Variants in EPM2A observed in about 807,000 individuals in gnomAD.
EPM2A encodes the protein laforin.
In EPM2A, 21 loss-of-function variants were observed where a neutral mutation model predicts 26.5. That is an observed-to-expected ratio of 0.79 (90% CI 0.56 to 1.14). EPM2A has a LOEUF of 1.14. EPM2A is among the 50% of genes most tolerant of loss of function. EPM2A has a pLI of 0.00. For synonymous variants in EPM2A, 217 were observed against 177.6 expected (o/e 1.22, Z -1.76); for missense variants, 458 against 440.8 (o/e 1.04, Z -0.35).
chr6:145,492,002 C>T, intron 4 of EPM2A: 1 of 412,658 alleles, frequency 2.4e-6, no homozygotes, highest in Non-Finnish European at 4.7e-6. Context: ...GTAAACCAGT[C>T]CCGATCTTGC....
chr6:145,501,922 A>AT (rs1779895863), intron 3 of EPM2A: 1 of 467,876 alleles, frequency 2.1e-6, no homozygotes, highest in Non-Finnish European at 4.4e-6. Context: ...ACAGATGTGA[A>AT]GGCTTAGACT....
intron 2 of EPM2A, among the ~76,000 whole-genome samples, chr6:145,530,263 T>A (rs1780335902): frequency 6.6e-6 from 1 of 152,186 alleles, no homozygotes; most frequent in Admixed American, 6.5e-5. Context: ...TCTGGGCTAT[T>A]CCCTCTAGAT....
chr6:145,630,804 C>T (rs922286476), intron 3 of EPM2A: 4 of 152,184 alleles, frequency 2.6e-5, no homozygotes, highest in African/African-American at 9.7e-5. Context: ...TGCACTAGCC[C>T]ATTTACAACC....
intron 1 of EPM2A, among the ~76,000 whole-genome samples, chr6:145,710,382 AC>A (rs1482118022): frequency 6.6e-6 from 1 of 152,236 alleles, no homozygotes; most frequent in Non-Finnish European, 1.5e-5. Context: ...GCTCACCATC[AC>A]TGGCCATCAG....
chr6:145,710,335 G>A (rs563546035), intron 1 of EPM2A, among the ~76,000 whole-genome samples: 3 of 152,148 alleles, frequency 2.0e-5, no homozygotes, highest in Middle Eastern at 3.2e-3. Context: ...CTTCTCAAAC[G>A]AAGACATTTA....
chr6:145,526,482 A>T (rs1055101035), intron 2 of EPM2A, among the ~76,000 whole-genome samples: 6 of 151,810 alleles, frequency 4.0e-5, no homozygotes, highest in Non-Finnish European at 7.4e-5. Context: ...CTTAATATTA[A>T]TCTGTTCAAG....
chr6:145,549,876 C>T (rs1780630682), intron 2 of EPM2A, among the ~76,000 whole-genome samples: 1 of 152,094 alleles, frequency 6.6e-6, no homozygotes, highest in Non-Finnish European at 1.5e-5. Context: ...GCTGCTTCCT[C>T]ATGTACCACA....
intron 2 of EPM2A, among the ~76,000 whole-genome samples, chr6:145,514,625 T>C (rs1393636329): frequency 6.6e-6 from 1 of 152,202 alleles, no homozygotes; most frequent in African/African-American, 2.4e-5. Flanking sequence ...TAGAGCAGTG[T>C]TTCTCAACTG....
rs75618919 is a variant in EPM2A at position 145,645,233 on chromosome 6, C to T, written c.477-9747G>A. 4.9e-3 allele frequency among the ~76,000 whole-genome samples: 752 copies of T among 152,280 alleles called. 6 individuals are homozygous for T. Among genetic ancestry groups the T allele is most frequent in the African/African-American group, 0.015 (617 of 41,564 alleles). On this transcript the variant is annotated intron_variant, in intron 2 of 3. Transcript: ENST00000367519. ...TTAAATTTTTATCAACTAAAATTGT[C>T]TCTTCCACATTTCATAGCCCAGGAC...
intron 1 of EPM2A, among the ~76,000 whole-genome samples, chr6:145,734,266 A>AT (rs1473697501): frequency 6.6e-6 from 1 of 152,242 alleles, no homozygotes; most frequent in Non-Finnish European, 1.5e-5. Context: ...TGTAAAATAC[A>AT]TATCTACGTG....
chr6:145,404,563 A>G (rs1389501698), intron 4 of EPM2A, among the ~76,000 whole-genome samples: 1 of 152,036 alleles, frequency 6.6e-6, no homozygotes, highest in Non-Finnish European at 1.5e-5. Flanking sequence ...ATCCTGAAGT[A>G]TTGTCCTGAT....
At chr6:145,566,290 C>T (rs891050244) in intron 2 of EPM2A, among the ~76,000 whole-genome samples, 2 of 152,200 alleles carry the variant, frequency 1.3e-5, no homozygotes, top group East Asian at 3.8e-4. Flanking sequence ...TAAGCCTCTT[C>T]TATCATTAAT....
At chr6:145,496,338 C>T (rs1203046349) in intron 4 of EPM2A, among the ~76,000 whole-genome samples, 1 of 152,106 alleles carries the variant, frequency 6.6e-6, no homozygotes. Flanking sequence ...CCTGCATTTC[C>T]TTACTCTGCA....
intron 4 of EPM2A, among the ~76,000 whole-genome samples, chr6:145,440,296 A>AG (rs769144490): frequency 6.6e-6 from 1 of 152,192 alleles, no homozygotes; most frequent in Non-Finnish European, 1.5e-5. Context: ...CACTACCATG[A>AG]GAACAGTATG....
intron 4 of EPM2A, among the ~76,000 whole-genome samples, chr6:145,428,761 A>C (rs905587407): frequency 2.0e-5 from 3 of 152,234 alleles, no homozygotes; most frequent in African/African-American, 7.2e-5. Context: ...AGACCTTAAC[A>C]TCGACAGGCA....
chr6:145,697,956 A>G (rs973856893), intron 1 of EPM2A, among the ~76,000 whole-genome samples: 4 of 152,238 alleles, frequency 2.6e-5, no homozygotes, highest in African/African-American at 4.8e-5. Context: ...AAGTAAAGAC[A>G]GGCATAGGAA....
intron 1 of EPM2A, chr6:145,705,390 T>TACACACACACAC (rs1439026949): frequency 2.8e-6 from 1 of 350,910 alleles, no homozygotes; most frequent in African/African-American, 2.1e-5. Flanking sequence ...TGCACACACA[T>TACACACACACAC]ACACACACAC....
intron 2 of EPM2A, among the ~76,000 whole-genome samples, chr6:145,597,477 C>T (rs6570697): frequency 0.39 from 48,758 of 124,130 alleles, 8,312 homozygotes; most frequent in African/African-American, 0.5. Context: ...ATTTTTTTTT[C>T]TTTTTTTTGG....
chr6:145,469,710 G>A (rs1266328987), intron 4 of EPM2A, among the ~76,000 whole-genome samples: 1 of 152,084 alleles, frequency 6.6e-6, no homozygotes, highest in Non-Finnish European at 1.5e-5. Context: ...TTGAAGAGAT[G>A]TGTTCATTCC....
Sources: allele counts gnomAD v4.1 joint callset (sites outside exome capture counted in the v4.1 genomes callset), GRCh38; gene constraint gnomAD v4.1.1; transcripts MANE v1.5; gene names NCBI Gene and HGNC (gene_info 2026-07-23, HGNC 2026-07-21).